The following SLC39A11 variants were observed in gnomAD, a reference collection of about 807,000 sequenced individuals.
SLC39A11 encodes the protein zinc transporter ZIP11.
Under a neutral mutation model 36.1 loss-of-function variants are expected in SLC39A11, and 33 were observed. The observed-to-expected ratio is 0.91, with a 90% CI of 0.69 to 1.22. The LOEUF is 1.22. Ranked by LOEUF, SLC39A11 falls within the 50% of genes most tolerant of loss-of-function variation. The pLI is 0.00. For missense variants in SLC39A11, 432 were observed against 430.3 expected, an observed-to-expected ratio of 1.00 and a Z score of -0.03; for synonymous variants, 166 against 170.3, an observed-to-expected ratio of 0.97 and a Z score of 0.20.
At chr17:72,701,727 C>CAAAAAAAAAAAAAAAA (rs57220008) in intron 7 of SLC39A11, among the ~76,000 whole-genome samples, 2 of 88,854 alleles carry the variant, frequency 2.3e-5, no homozygotes, top group East Asian at 3.7e-4. Context: ...GATTCTGTCT[C>CAAAAAAAAAAAAAAAA]AAAAAAAAAA....
chr17:73,025,678 G>C (rs549236785), intron 4 of SLC39A11, among the ~76,000 whole-genome samples: 4 of 152,292 alleles, frequency 2.6e-5, no homozygotes, highest in African/African-American at 9.6e-5. Flanking sequence ...TCGAAATAGA[G>C]TCAGAAGAAA....
chr17:72,995,095 C>A (rs1251148947), intron 4 of SLC39A11, among the ~76,000 whole-genome samples: 1 of 152,154 alleles, frequency 6.6e-6, no homozygotes, highest in Non-Finnish European at 1.5e-5. Flanking sequence ...GTCTTGACCT[C>A]ATCTCTCAAC....
At chr17:72,715,789 C>T (rs1375722177) in intron 7 of SLC39A11, among the ~76,000 whole-genome samples, 3 of 152,068 alleles carry the variant, frequency 2.0e-5, no homozygotes, top group Admixed American at 6.6e-5. Flanking sequence ...CTGCAGCCTC[C>T]GCCACCCGGG....
At chr17:73,074,457 C>A (rs566170432) in intron 3 of SLC39A11, among the ~76,000 whole-genome samples, 13 of 152,040 alleles carry the variant, frequency 8.6e-5, no homozygotes, top group Non-Finnish European at 1.9e-4. Context: ...ACCACCACGC[C>A]CGGCTAATTT....
intron 6 of SLC39A11, among the ~76,000 whole-genome samples, chr17:72,771,412 T>C (rs1278562620): frequency 6.6e-6 from 1 of 151,186 alleles, no homozygotes; most frequent in Non-Finnish European, 1.5e-5. Flanking sequence ...CGAGGAGCCA[T>C]GAGCAGAGGT....
At chr17:72,925,615 C>T (rs1322837791) in intron 5 of SLC39A11, among the ~76,000 whole-genome samples, 1 of 152,190 alleles carries the variant, frequency 6.6e-6, no homozygotes, top group Non-Finnish European at 1.5e-5. Flanking sequence ...GTTTATGTCC[C>T]CACCTGGAAT....
intron 3 of SLC39A11, among the ~76,000 whole-genome samples, chr17:73,083,706 T>C (rs952169981): frequency 4.7e-5 from 5 of 106,468 alleles, no homozygotes; most frequent in African/African-American, 1.7e-4. Context: ...TCCAACAAAT[T>C]ACTAGCATGA....
At chr17:72,851,750 C>T (rs2079339010) in intron 5 of SLC39A11, among the ~76,000 whole-genome samples, 1 of 152,188 alleles carries the variant, frequency 6.6e-6, no homozygotes, top group South Asian at 2.1e-4. Context: ...AAATGCCTAA[C>T]TGTAACCAAT....
chr17:72,900,864 C>T (rs1567914664), intron 5 of SLC39A11, among the ~76,000 whole-genome samples: 3 of 152,044 alleles, frequency 2.0e-5, no homozygotes, highest in Non-Finnish European at 4.4e-5. Flanking sequence ...ATCTCACAGG[C>T]GACAGCACAG....
chr17:72,857,958 G>A (rs989875294), intron 5 of SLC39A11, among the ~76,000 whole-genome samples: 1 of 152,164 alleles, frequency 6.6e-6, no homozygotes, highest in African/African-American at 2.4e-5. Flanking sequence ...TTCTTTTGCT[G>A]TGTAGAAGCT....
At chr17:73,057,994 A>C (rs1196001349) in intron 3 of SLC39A11, among the ~76,000 whole-genome samples, 1 of 141,510 alleles carries the variant, frequency 7.1e-6, no homozygotes, top group Non-Finnish European at 1.5e-5. Flanking sequence ...TATTTTAGTT[A>C]TTTCGTTTTA....
chr17:73,068,870 T>C (rs893274247), intron 3 of SLC39A11, among the ~76,000 whole-genome samples: 2 of 152,138 alleles, frequency 1.3e-5, no homozygotes, highest in East Asian at 1.9e-4. Context: ...ACCAACAGAA[T>C]GTATTTCTTA....
chr17:72,716,420 G>T (rs1327729806), intron 7 of SLC39A11, among the ~76,000 whole-genome samples: 2 of 151,910 alleles, frequency 1.3e-5, no homozygotes, highest in Admixed American at 6.6e-5. Context: ...CGTGACAAAG[G>T]CCCCTTTCTT....
chr17:72,867,766 A>G (rs1051358329), intron 5 of SLC39A11, among the ~76,000 whole-genome samples: 7 of 145,750 alleles, frequency 4.8e-5, no homozygotes, highest in African/African-American at 1.4e-4. Flanking sequence ...GCGCGCACAC[A>G]CACACACACA....
chr17:72,876,424 C>T (rs945738037), intron 5 of SLC39A11, among the ~76,000 whole-genome samples: 3 of 152,080 alleles, frequency 2.0e-5, no homozygotes, highest in African/African-American at 7.2e-5. Flanking sequence ...ATCACAATCA[C>T]AGGAACTTAT....
At chr17:73,025,579 T>C (rs985476024) in intron 4 of SLC39A11, among the ~76,000 whole-genome samples, 5 of 152,156 alleles carry the variant, frequency 3.3e-5, no homozygotes, top group Non-Finnish European at 5.9e-5. Flanking sequence ...ATAAAAATCA[T>C]TTCAAATTTA....
intron 7 of SLC39A11, among the ~76,000 whole-genome samples, chr17:72,678,174 C>T (rs1054958492): frequency 6.6e-6 from 1 of 152,150 alleles, no homozygotes; most frequent in African/African-American, 2.4e-5. Flanking sequence ...TTTGGATGCC[C>T]GTTCCGCTCA....
chr17:72,921,099 C>A (rs1474845160), intron 5 of SLC39A11, among the ~76,000 whole-genome samples: 1 of 152,152 alleles, frequency 6.6e-6, no homozygotes, highest in Admixed American at 6.5e-5. Context: ...CAGTAATGTG[C>A]AGTGCCTAGA....
chr17:72,751,076 C>T (rs957575707), intron 6 of SLC39A11, among the ~76,000 whole-genome samples: 3 of 152,088 alleles, frequency 2.0e-5, no homozygotes, highest in African/African-American at 2.4e-5. Context: ...GCAAAAACCC[C>T]GCCTCTACTA....
Sources: allele counts gnomAD v4.1 joint callset (sites outside exome capture counted in the v4.1 genomes callset), GRCh38; gene constraint gnomAD v4.1.1; transcripts MANE v1.5; gene names NCBI Gene and HGNC (gene_info 2026-07-23, HGNC 2026-07-21).